The following ERICH1 variants were observed in gnomAD, a reference collection of about 807,000 sequenced individuals.
ERICH1 encodes the protein glutamate-rich protein 1.
In ERICH1, 56 loss-of-function variants were observed where a neutral mutation model predicts 39.6. The observed-to-expected ratio is 1.41, with a 90% confidence interval of 1.14 to 1.77. The LOEUF (loss-of-function observed/expected upper bound fraction) is 1.77, where lower values mean the gene tolerates loss of function less well. Ranked by LOEUF, ERICH1 falls within the 40% of genes most tolerant of loss-of-function variation. The probability of loss-of-function intolerance (pLI) is 0.00; values close to 1 mark genes in which losing one functional copy is unlikely to be tolerated. For missense variants in ERICH1, 826 were observed against 575.4 expected, an observed-to-expected ratio of 1.44 and a Z score of -4.45; for synonymous variants, 313 against 223.6, an observed-to-expected ratio of 1.40 and a Z score of -3.57.
At chr8:703,273 T>A (rs1420127534) in intron 2 of ERICH1, among the ~76,000 whole-genome samples, 1 of 151,722 alleles carries the variant, frequency 6.6e-6, no homozygotes. Flanking sequence ...CACCCCATCC[T>A]CCTCCTAAGG....
At chr8:699,120 AC>A (rs879403087) in intron 2 of ERICH1, among the ~76,000 whole-genome samples, 1 of 146,908 alleles carries the variant, frequency 6.8e-6, no homozygotes, top group Non-Finnish European at 1.5e-5. Context: ...GTCTCAAAAA[AC>A]CCCCCAAACC....
At chr8:640,817 G>T (rs577080279) in intron 3 of ERICH1, 6 of 152,084 alleles carry the variant, frequency 3.9e-5, no homozygotes, top group Non-Finnish European at 8.8e-5. Flanking sequence ...ATTTGATTTC[G>T]ACAAGAGCCA....
In ERICH1 at chr8:673,444, T is replaced by C; in HGVS notation, c.908A>G (p.Glu303Gly). The part of the protein sequence containing the change: ...TREEDGADAS[E>G]EDPTWAGEEE... ...CTCCCCAGCCCATGTCGGGTCTTCC[T>C]CGCTGGCGTCCGCACCGTCCTCCTC... Residue 303 changes from glutamate to glycine, a missense_variant, in exon 4 of 6, where the codon GAG becomes GGG. Coordinates refer to ENST00000262109, the MANE Select transcript of ERICH1 (RefSeq NM_207332.3). 6.2e-7 allele frequency: 1 copy of C among 1,614,038 alleles called. No homozygotes were observed.
rs192644168 is a variant in ERICH1, at chr8:648,047, C to G, written c.976+20551G>C. Among the ~76,000 whole-genome samples the G allele has an allele frequency of 3.0e-5, 2 of 67,576 alleles. 1 individual carries two copies. The highest frequency in any genetic ancestry group is 7.7e-5 in the African/African-American group (2 of 25,876). 44.3% of individuals were successfully genotyped at this position (67,576 alleles called of 152,430 possible). On this transcript the variant is annotated intron_variant, in intron 3 of 3. Transcript: ENST00000522706. ...AGTGTGGCTGACGCAAACGACAGCA[C>G]GTCAGACAGCAGCTAGAATCCACAG...
intron 1 of ERICH1, among the ~76,000 whole-genome samples, chr8:722,132 G>C (rs1033249671): frequency 6.6e-6 from 1 of 151,680 alleles, no homozygotes; most frequent in African/African-American, 2.4e-5. Context: ...TCCCCTTCCA[G>C]CAGCAAGAGC....
chr8:679,332 C>G (rs1370918302), intron 3 of ERICH1, among the ~76,000 whole-genome samples: 1 of 150,894 alleles, frequency 6.6e-6, no homozygotes. Flanking sequence ...ACAGCAGTGA[C>G]CCCTCACAGC....
Position 668,639 on chromosome 8 carries a change from T to C in ERICH1, c.1217A>G (p.His406Arg). The C allele has an allele frequency of 1.2e-6, 2 of 1,614,262 alleles. No homozygotes were observed. Among genetic ancestry groups the C allele is most frequent in the Non-Finnish European group, 1.7e-6 (2 of 1,180,056 alleles). The change falls in exon 5 of 6, where the codon CAT becomes CGT. Residue 406 changes from histidine (H) to arginine (R), a missense_variant. His to Arg is a conservative substitution (Grantham distance 29, BLOSUM62 0). Coordinates refer to ENST00000262109, the MANE Select transcript of ERICH1 (RefSeq NM_207332.3). The part of the protein sequence containing the change: ...LLLQDTERLK[H>R]ALEMFPEHCT... ...ATGTTCTGGGAACATTTCCAGAGCA[T>C]GCTTCAATCTCTCAGTATCTTGCAG...
At chr8:665,765 G>T (rs1440371735) in intron 5 of ERICH1, among the ~76,000 whole-genome samples, 1 of 152,184 alleles carries the variant, frequency 6.6e-6, no homozygotes, top group Admixed American at 6.5e-5. Context: ...CAGCCCCCAT[G>T]ACTGAGGAAA....
intron 1 of ERICH1, among the ~76,000 whole-genome samples, chr8:720,983 T>C (rs546356043): frequency 1.3e-5 from 2 of 152,316 alleles, no homozygotes; most frequent in South Asian, 4.1e-4. Context: ...ATTTTGATAT[T>C]AAATATTGGC....
At chr8:654,262 C>T (rs11136970) in intron 3 of ERICH1, among the ~76,000 whole-genome samples, 15 of 152,220 alleles carry the variant, frequency 9.9e-5, no homozygotes, top group Non-Finnish European at 1.3e-4. Context: ...GCAACGTAAC[C>T]GTTCACAAAT....
intron 3 of ERICH1, chr8:616,307 T>C (rs1414155568): frequency 3.2e-6 from 1 of 309,772 alleles, no homozygotes; most frequent in South Asian, 2.6e-5. Flanking sequence ...AGGACAAGCA[T>C]GGGGCAAGAG....
chr8:726,589 C>CAT (rs1379545181), intron 1 of ERICH1, among the ~76,000 whole-genome samples: 2 of 151,078 alleles, frequency 1.3e-5, no homozygotes, highest in African/African-American at 4.9e-5. Context: ...GGCGCACACA[C>CAT]ATACACACAC....
In ERICH1 at chr8:726,659, CCA is replaced by C. The variant is rs540898311; in HGVS notation, c.22+4479_22+4480del. On this transcript the variant is annotated intron_variant, in intron 1 of 5. Transcript: ENST00000262109. ...ACACAGACACACATGTACACAAGTG[CCA>C]CACACAGACGTGTACACAGGCACAT... Among the ~76,000 whole-genome samples the C allele has an allele frequency of 4.8e-3, 718 of 148,958 alleles. 7 individuals are homozygous for C. The highest frequency in any genetic ancestry group is 0.017 in the African/African-American group (679 of 40,058).
intron 5 of ERICH1, 104 bp from the exon 6 acceptor site, chr8:664,780 C>G: frequency 2.4e-6 from 2 of 845,314 alleles, no homozygotes; most frequent in Non-Finnish European, 3.6e-6. Flanking sequence ...AGTGAACTCC[C>G]AAATAATCTA....
chr8:633,876 A>G (rs1198676747), intron 3 of ERICH1, among the ~76,000 whole-genome samples: 1 of 152,240 alleles, frequency 6.6e-6, no homozygotes, highest in Non-Finnish European at 1.5e-5. Flanking sequence ...ACAGCTGACA[A>G]AAATCAGTGC....
chr8:712,257 A>G (rs1814902632), intron 2 of ERICH1, among the ~76,000 whole-genome samples: 1 of 152,186 alleles, frequency 6.6e-6, no homozygotes, highest in Non-Finnish European at 1.5e-5. Context: ...TCTCTATAAT[A>G]TCGAGTCTTC....
At chr8:674,389 G>C (rs915619226) in intron 3 of ERICH1, among the ~76,000 whole-genome samples, 9 of 141,492 alleles carry the variant, frequency 6.4e-5, no homozygotes, top group African/African-American at 2.4e-4. Flanking sequence ...TGCAACCTCT[G>C]CCTCCCAGGT....
At chr8:716,048 T>G (rs376316660) in intron 1 of ERICH1, 41 bp from the exon 2 acceptor site, 1 of 1,560,566 alleles carries the variant, frequency 6.4e-7, no homozygotes, top group East Asian at 2.3e-5. Context: ...GGAAAAGGAA[T>G]GAATTATGCA....
chr8:635,639 G>A (rs1475571781), intron 3 of ERICH1, among the ~76,000 whole-genome samples: 1 of 152,230 alleles, frequency 6.6e-6, no homozygotes, highest in Admixed American at 6.5e-5. Context: ...GGGACTCCCA[G>A]CAACCCGTCC....
Sources: allele counts gnomAD v4.1 joint callset (sites outside exome capture counted in the v4.1 genomes callset), GRCh38; gene constraint gnomAD v4.1.1; transcripts MANE v1.5; gene names NCBI Gene and HGNC (gene_info 2026-07-23, HGNC 2026-07-21).